The following KLF12 variants were observed in gnomAD, a reference collection of about 807,000 sequenced individuals.
KLF12 encodes the protein KLF transcription factor 12, also known as Krueppel-like factor 12.
A neutral mutation model predicts 37.8 loss-of-function variants in KLF12; 9 were observed. The observed-to-expected ratio is 0.24, with a 90% CI of 0.14 to 0.42. The LOEUF is 0.42. Among genes scored for constraint, KLF12 ranks in the 10% least tolerant of loss-of-function variants. The pLI, the probability that KLF12 is intolerant of heterozygous loss-of-function variation, is 1.00. For synonymous variants in KLF12, 208 were observed against 202.1 expected (o/e 1.03, Z -0.25); for missense variants, 411 against 516.0 (o/e 0.80, Z 1.97).
intron 2 of KLF12, among the ~76,000 whole-genome samples, chr13:73,944,746 A>T (rs538607752): frequency 7.1e-6 from 1 of 140,428 alleles, no homozygotes; most frequent in South Asian, 2.3e-4. Context: ...TCTTATCTAT[A>T]TTGTAGCTCA....
At chr13:74,014,058 C>T (rs979719933) in intron 1 of KLF12, among the ~76,000 whole-genome samples, 4 of 152,156 alleles carry the variant, frequency 2.6e-5, no homozygotes, top group African/African-American at 4.8e-5. Context: ...GGCTATTGAG[C>T]ATAACTTGCA....
chr13:73,851,234 A>T (rs1298225869), intron 3 of KLF12, among the ~76,000 whole-genome samples: 1 of 152,244 alleles, frequency 6.6e-6, no homozygotes, highest in Non-Finnish European at 1.5e-5. Flanking sequence ...CTATCTCAGG[A>T]GGAACTTGAC....
chr13:73,996,849 G>A (rs12385850), intron 1 of KLF12, among the ~76,000 whole-genome samples: 11,252 of 152,062 alleles, frequency 0.074, 627 homozygotes, highest in African/African-American at 0.16. Flanking sequence ...CTACACTACC[G>A]CACTTAGCTG....
At chr13:74,233,308 T>C in the KLF12 span, among the ~76,000 whole-genome samples, 40,259 of 152,112 alleles carry the variant, frequency 0.26, 8,006 homozygotes, top group African/African-American at 0.56. Context: ...TCATACTGAT[T>C]CCATGGTCCA....
intron 6 of KLF12, among the ~76,000 whole-genome samples, chr13:73,741,136 A>C (rs113153240): frequency 0.019 from 2,825 of 152,292 alleles, 73 homozygotes; most frequent in African/African-American, 0.061. Flanking sequence ...TTTTAAAGTT[A>C]CAATTCATCC....
intron 5 of KLF12, among the ~76,000 whole-genome samples, chr13:73,812,077 G>T (rs1594119521): frequency 6.6e-6 from 1 of 152,116 alleles, no homozygotes; most frequent in Non-Finnish European, 1.5e-5. Flanking sequence ...AGCAATAACA[G>T]TGGCTATTTA....
chr13:74,220,689 A>G, the KLF12 span, among the ~76,000 whole-genome samples: 3 of 152,158 alleles, frequency 2.0e-5, no homozygotes, highest in East Asian at 5.8e-4. Context: ...ACCCAACCCT[A>G]GCCCTTGGCA....
chr13:74,061,503 C>T (rs1411991627), intron 1 of KLF12, among the ~76,000 whole-genome samples: 1 of 152,148 alleles, frequency 6.6e-6, no homozygotes, highest in Non-Finnish European at 1.5e-5. Flanking sequence ...CAATTAGACT[C>T]ATCCATCTAA....
chr13:74,195,290 G>A, the KLF12 span, among the ~76,000 whole-genome samples: 1 of 152,138 alleles, frequency 6.6e-6, no homozygotes, highest in Non-Finnish European at 1.5e-5. Context: ...CTTTGAGAGG[G>A]CCAAAAAATC....
the KLF12 span, among the ~76,000 whole-genome samples, chr13:74,163,117 CT>C: frequency 6.6e-6 from 1 of 152,090 alleles, no homozygotes; most frequent in African/African-American, 2.4e-5. Context: ...AAGGTTACCC[CT>C]GTACGCTGTT....
chr13:74,099,377 C>T (rs1673067921), intron 1 of KLF12, among the ~76,000 whole-genome samples: 2 of 152,094 alleles, frequency 1.3e-5, no homozygotes, highest in South Asian at 4.1e-4. Context: ...TCACTTTGCA[C>T]TTTGCCCTAC....
chr13:73,904,469 C>CTTTTTTTT (rs11342071), intron 3 of KLF12, among the ~76,000 whole-genome samples: 13 of 91,982 alleles, frequency 1.4e-4, no homozygotes, highest in Non-Finnish European at 1.9e-4. Flanking sequence ...TCTTTCTTTC[C>CTTTTTTTT]TTTTTTTTTT....
At chr13:74,054,056 A>G (rs995707585) in intron 1 of KLF12, among the ~76,000 whole-genome samples, 7 of 152,208 alleles carry the variant, frequency 4.6e-5, no homozygotes. Flanking sequence ...CATGTATTTC[A>G]TCACATAAAA....
At chr13:74,055,997 C>A (rs759725635) in intron 1 of KLF12, among the ~76,000 whole-genome samples, 3 of 152,206 alleles carry the variant, frequency 2.0e-5, no homozygotes, top group Non-Finnish European at 4.4e-5. Context: ...CTGAGGCTAT[C>A]CTCAACCCAG....
chr13:73,774,212 C>A (rs1269609427), intron 5 of KLF12, among the ~76,000 whole-genome samples: 1 of 150,944 alleles, frequency 6.6e-6, no homozygotes, highest in African/African-American at 2.4e-5. Flanking sequence ...TGTGTTGCTG[C>A]AATAATTTGG....
intron 1 of KLF12, among the ~76,000 whole-genome samples, chr13:74,018,592 G>A (rs77803278): frequency 0.15 from 23,352 of 152,010 alleles, 1,966 homozygotes; most frequent in African/African-American, 0.22. Context: ...TAAACTTGAA[G>A]AATATATACA....
the KLF12 span, among the ~76,000 whole-genome samples, chr13:74,233,363 C>T: frequency 6.6e-6 from 1 of 152,210 alleles, no homozygotes; most frequent in African/African-American, 2.4e-5. Context: ...GAAATGCATA[C>T]CTGTGGTGGG....
chr13:73,823,563 T>G (rs1883658123), intron 4 of KLF12, among the ~76,000 whole-genome samples: 1 of 152,216 alleles, frequency 6.6e-6, no homozygotes. Flanking sequence ...TAATCATGAT[T>G]GAATTCCTTT....
chr13:74,033,682 C>G (rs1014353550), intron 1 of KLF12, among the ~76,000 whole-genome samples: 2 of 152,332 alleles, frequency 1.3e-5, no homozygotes, highest in South Asian at 4.1e-4. Flanking sequence ...ATTTATGTAA[C>G]TATCTCCCTA....
Sources: gnomAD v4.1 joint callset for allele counts (sites outside exome capture counted in the v4.1 genomes callset) on GRCh38, gnomAD v4.1.1 for gene constraint, MANE v1.5 for transcripts, NCBI Gene and HGNC (gene_info 2026-07-23, HGNC 2026-07-21) for gene names.